MYO1F: variants seen among roughly 807,000 people sequenced by gnomAD.
MYO1F encodes unconventional myosin-If.
In MYO1F, 60 loss-of-function variants were observed where a neutral mutation model predicts 146.6. That is an observed-to-expected ratio of 0.41 (90% CI 0.33 to 0.51). MYO1F has a LOEUF of 0.51. Among genes scored for constraint, MYO1F ranks in the 20% least tolerant of loss-of-function variants. MYO1F has a pLI of 0.25. For missense variants in MYO1F, 1,274 were observed against 1,534.3 expected (o/e 0.83, Z 2.83); for synonymous variants, 602 against 602.1 (o/e 1.00, Z 0.00).
chr19:8,529,685 G>A (rs1425066930), intron 21 of MYO1F: 7 of 269,924 alleles, frequency 2.6e-5, no homozygotes, highest in Non-Finnish European at 5.2e-5. Context: ...TCTAGACAAG[G>A]TGAATGAATG....
At chr19:8,568,250 C>T (rs1041392235) in intron 1 of MYO1F, among the ~76,000 whole-genome samples, 7 of 151,816 alleles carry the variant, frequency 4.6e-5, no homozygotes, top group Non-Finnish European at 8.8e-5. Flanking sequence ...GGTGAAACCC[C>T]GTCTCTACTA....
intron 25 of MYO1F, among the ~76,000 whole-genome samples, chr19:8,523,151 C>T (rs1450432789): frequency 1.3e-5 from 2 of 151,774 alleles, no homozygotes; most frequent in Non-Finnish European, 1.5e-5. Flanking sequence ...CCTGCCTCAG[C>T]CTCCCGAGTA....
At chr19:8,566,873 G>T (rs1008457594) in intron 1 of MYO1F, among the ~76,000 whole-genome samples, 4 of 151,744 alleles carry the variant, frequency 2.6e-5, no homozygotes, top group South Asian at 4.2e-4. Flanking sequence ...ATAGAGTCTC[G>T]CTATGTTGCC....
intron 14 of MYO1F, among the ~76,000 whole-genome samples, chr19:8,542,683 C>T (rs531236647): frequency 6.6e-6 from 1 of 152,016 alleles, no homozygotes; most frequent in East Asian, 1.9e-4. Context: ...TCACTGCAAC[C>T]TCCGCCTTCC....
intron 1 of MYO1F, among the ~76,000 whole-genome samples, chr19:8,564,241 C>T (rs377344389): frequency 5.3e-5 from 8 of 152,050 alleles, no homozygotes; most frequent in East Asian, 1.9e-4. Context: ...ATTAGCCAGG[C>T]GTGGTGTCAG....
chr19:8,521,329 GGAA>G lies in MYO1F; in HGVS notation c.*196_*198del. 1.6e-6 allele frequency: 1 copy of G among 629,914 alleles called. No individual in the cohort carries two copies. The highest frequency in any genetic ancestry group is 1.7e-5 in the South Asian group (1 of 57,160). The allele number at this position is 629,914 out of a possible 1,614,324, so 39.0% of individuals were successfully genotyped here. A position where few individuals can be genotyped will look rare whatever the true frequency, so the allele number is the denominator to read the frequency against. ...AATGGGCAGCAGGTGTGATGTTGGA[GGAA>G]GACCAGGGCCCAGGGGCGGGGGCTG... On this transcript the variant is annotated 3_prime_UTR_variant, in exon 28 of 28. Coordinates refer to ENST00000644032, the MANE Select transcript of MYO1F (RefSeq NM_012335.4).
intron 8 of MYO1F, among the ~76,000 whole-genome samples, chr19:8,551,040 C>T (rs963410641): frequency 8.7e-5 from 13 of 149,128 alleles, no homozygotes; most frequent in African/African-American, 2.8e-4. Flanking sequence ...GCGTCGTGTC[C>T]GGACTGGGCT....
chr19:8,552,338 A>G (rs574523880), intron 6 of MYO1F, among the ~76,000 whole-genome samples, 174 bp from the exon 7 acceptor site: 2 of 151,860 alleles, frequency 1.3e-5, no homozygotes, highest in East Asian at 1.9e-4. Context: ...GGCTCACTGC[A>G]ACGTCCACCT....
At position 8,577,162 on chromosome 19, in the gene MYO1F, GCTGCA is replaced by G. The variant is rs2042252803; in HGVS notation, c.3+140_3+144del. The G allele has an allele frequency of 3.2e-6, 3 of 944,246 alleles. No homozygotes were observed. Among genetic ancestry groups the G allele is most frequent in the Non-Finnish European group, 5.0e-6 (3 of 598,220 alleles). The allele number at this position is 944,246 out of a possible 1,614,324, so 58.5% of individuals were successfully genotyped here. ...GGTAAGGGATGCTGGAGGCACCTGAGCTGCACTGAGAGACACCCCACCCCCACAGA... is the reference window on the plus strand; with the variant it reads ...GGTAAGGGATGCTGGAGGCACCTGAGCTGAGAGACACCCCACCCCCACAGA... On this transcript the variant is annotated intron_variant, in intron 1 of 27. Coordinates refer to ENST00000644032, the MANE Select transcript of MYO1F (RefSeq NM_012335.4). The surrounding 1 kb of genome is among the most constrained non-coding windows in gnomAD (Gnocchi z 4.3).
At chr19:8,537,291 G>C (rs531952791) in intron 16 of MYO1F, among the ~76,000 whole-genome samples, 339 of 152,226 alleles carry the variant, frequency 2.2e-3, no homozygotes, top group Non-Finnish European at 3.9e-3. Context: ...AAGACAAGGA[G>C]CTCTCACGTC....
chr19:8,553,250 TG>T, intron 5 of MYO1F, 22 bp from the exon 6 acceptor site: 1 of 1,613,368 alleles, frequency 6.2e-7, no homozygotes, highest in Non-Finnish European at 8.5e-7. Context: ...GCAGGTGGAG[TG>T]GGAAGAAGTC....
rs932201758 is a variant in MYO1F, at chr19:8,556,493, AG to A, written c.4-698del. On this transcript the variant is annotated intron_variant, in intron 1 of 27. Transcript: ENST00000644032. ...CCCGTCTCTATAAAAAAAGAAAGAA[AG>A]AAAGAAAGAAAGAGAAAGAAAGAGA... Among the ~76,000 whole-genome samples the A allele has an allele frequency of 1.3e-3, 171 of 130,040 alleles. 1 individual carries two copies. Among genetic ancestry groups the A allele is most frequent in the African/African-American group, 6.2e-3 (157 of 25,348 alleles). 85.3% of individuals were successfully genotyped at this position (130,040 alleles called of 152,430 possible). A position where few individuals can be genotyped will look rare whatever the true frequency, so the allele number is the denominator to read the frequency against.
chr19:8,574,649 T>C (rs868947193), intron 1 of MYO1F, among the ~76,000 whole-genome samples: 1 of 46,154 alleles, frequency 2.2e-5, no homozygotes, highest in African/African-American at 5.7e-5. Context: ...TTCTTTCCTT[T>C]CTTTCTCTTT....
At chr19:8,574,636 T>TCTTTC (rs1555733201) in intron 1 of MYO1F, among the ~76,000 whole-genome samples, 1 of 52,550 alleles carries the variant, frequency 1.9e-5, no homozygotes, top group Non-Finnish European at 4.2e-5. Context: ...TTTCTTTCTT[T>TCTTTC]CTTTCTTTCC....
chr19:8,550,884 A>G (rs1044688894), intron 8 of MYO1F, among the ~76,000 whole-genome samples, 190 bp from the exon 9 acceptor site: 1 of 151,762 alleles, frequency 6.6e-6, no homozygotes, highest in African/African-American at 2.4e-5. Context: ...GTTTTTTATT[A>G]TATTTTTTAT....
intron 6 of MYO1F, among the ~76,000 whole-genome samples, chr19:8,552,642 G>A (rs7251784): frequency 0.025 from 3,801 of 151,992 alleles, 159 homozygotes; most frequent in African/African-American, 0.086. Context: ...TATTAACATC[G>A]TCACCATTTT....
At position 8,530,111 on chromosome 19, in the gene MYO1F, C is replaced by T; in HGVS notation, c.2328+85G>A. 6.4e-7 allele frequency: 1 copy of T among 1,558,066 alleles called. No homozygotes were observed. The highest frequency in any genetic ancestry group is 8.8e-7 in the Non-Finnish European group (1 of 1,133,402). ...CAGATGGATCTAGGCTGGGGGATAT[C>T]TGGCTGTGGGCAGGTGCATCTGGGC... On this transcript the variant is annotated intron_variant, in intron 21 of 27. Coordinates refer to ENST00000644032, the MANE Select transcript of MYO1F (RefSeq NM_012335.4). The surrounding 1 kb of genome is among the most constrained non-coding windows in gnomAD (Gnocchi z 5.8).
At position 8,530,468 on chromosome 19, in the gene MYO1F, G is replaced by C. The variant is rs370297948; in HGVS notation, c.2149C>G (p.Arg717Gly). 1 of 1,613,582 alleles carries C rather than the reference G, an allele frequency of 6.2e-7. No homozygotes were observed. Among genetic ancestry groups the C allele is most frequent in the East Asian group, 2.2e-5 (1 of 44,876 alleles). ...ACCCGAAGCCTCTCACCTTCCTCCC[G>C]CATCTCCTCGTACTTCCGGACAGCC... ...HVAVRKYEEM[R>G]EEASNILLNK... Residue 717 changes from arginine (R) to glycine (G), a missense_variant, in exon 20 of 28, where the codon CGG (arginine) becomes GGG (glycine). Transcript: ENST00000644032. The surrounding 1 kb of genome is among the most constrained non-coding windows in gnomAD (Gnocchi z 5.8).
chr19:8,544,892 C>T (rs182590905), intron 13 of MYO1F, among the ~76,000 whole-genome samples: 2 of 152,276 alleles, frequency 1.3e-5, no homozygotes, highest in Non-Finnish European at 2.9e-5. Flanking sequence ...TCTCCTGCTT[C>T]AGCCTCCTGA....
Sources: allele counts gnomAD v4.1 joint callset (sites outside exome capture counted in the v4.1 genomes callset), GRCh38; gene constraint gnomAD v4.1.1; non-coding constraint Gnocchi (gnomAD v3.1); transcripts MANE v1.5; gene names NCBI Gene and HGNC (gene_info 2026-07-23, HGNC 2026-07-21).